CCDC88C: variants seen among roughly 807,000 people sequenced by gnomAD.
CCDC88C encodes the protein coiled-coil and HOOK domain protein 88C.
A neutral mutation model predicts 198.8 loss-of-function variants in CCDC88C; 131 were observed. That is an observed-to-expected ratio of 0.66 (90% CI 0.57 to 0.76). The LOEUF (loss-of-function observed/expected upper bound fraction) is 0.76. Among genes scored for constraint, CCDC88C ranks in the 30% least tolerant of loss-of-function variants. The pLI, the probability that CCDC88C is intolerant of heterozygous loss-of-function variation, is 0.00. For missense variants in CCDC88C, 2,553 were observed against 2,631.6 expected (o/e 0.97, Z 0.65); for synonymous variants, 1,166 against 1,114.7 (o/e 1.05, Z -0.92).
intron 10 of CCDC88C, among the ~76,000 whole-genome samples, chr14:91,327,883 G>T (rs1194416738): frequency 6.6e-6 from 1 of 152,194 alleles, no homozygotes; most frequent in East Asian, 1.9e-4. Context: ...CTCCTATTCA[G>T]CCTTCAAGAC....
intron 13 of CCDC88C, among the ~76,000 whole-genome samples, chr14:91,318,763 C>A (rs190523130): frequency 1.4e-3 from 212 of 150,354 alleles, no homozygotes; most frequent in African/African-American, 5.0e-3. Flanking sequence ...ACTAAAAACA[C>A]AAAAATTAGC....
intron 3 of CCDC88C, among the ~76,000 whole-genome samples, chr14:91,405,265 G>A (rs565520794): frequency 2.0e-5 from 3 of 152,292 alleles, no homozygotes; most frequent in East Asian, 1.9e-4. Flanking sequence ...AGAGAAGAAG[G>A]GGACAGTTAG....
At chr14:91,370,756 C>T (rs1894757571) in intron 3 of CCDC88C, among the ~76,000 whole-genome samples, 5 of 152,294 alleles carry the variant, frequency 3.3e-5, no homozygotes, top group South Asian at 4.1e-4. Context: ...TAGGTGGACA[C>T]ATCCGTGCAT....
intron 4 of CCDC88C, among the ~76,000 whole-genome samples, chr14:91,354,280 G>A (rs1224231739): frequency 1.3e-5 from 2 of 152,200 alleles, no homozygotes; most frequent in Non-Finnish European, 2.9e-5. Flanking sequence ...CTGGCTTCCC[G>A]TCAGACAAAT....
At chr14:91,384,473 G>T (rs1231312216) in intron 3 of CCDC88C, 2 of 525,270 alleles carry the variant, frequency 3.8e-6, no homozygotes, top group Non-Finnish European at 7.7e-6. Flanking sequence ...TCATAGTCTG[G>T]ATCATTTTCC....
rs1285821 is a variant in CCDC88C, at chr14:91,376,749, G to A, written c.271-17038C>T. Among the ~76,000 whole-genome samples the A allele has an allele frequency of 3.3e-5, 5 of 152,274 alleles. No individual in the cohort carries two copies. The East Asian group carries it at 7.7e-4, about 24-fold the overall frequency. On this transcript the variant is annotated intron_variant, in intron 3 of 29. Transcript: ENST00000389857. The stretch of plus-strand genomic sequence containing the variant: ...TCCCATGGGGGCCACGCACCCCCAG[G>A]TAAGCCCAGTGTCGGTTCAGCCCCC...
chr14:91,382,363 C>T (rs1346157306), intron 3 of CCDC88C, among the ~76,000 whole-genome samples: 1 of 152,126 alleles, frequency 6.6e-6, no homozygotes, highest in Non-Finnish European at 1.5e-5. Flanking sequence ...TTCAACATGG[C>T]GGGCCCCATG....
intron 12 of CCDC88C, among the ~76,000 whole-genome samples, chr14:91,324,421 G>A (rs987882295): frequency 1.3e-5 from 2 of 152,234 alleles, no homozygotes; most frequent in Non-Finnish European, 2.9e-5. Context: ...AGGGATTCGT[G>A]GCCACTGGTG....
intron 3 of CCDC88C, among the ~76,000 whole-genome samples, chr14:91,385,509 G>A (rs1023537770): frequency 1.1e-4 from 16 of 152,190 alleles, no homozygotes; most frequent in African/African-American, 3.9e-4. Flanking sequence ...TGGGAGGTGA[G>A]GGTTTCCGTG....
chr14:91,326,117 A>C, intron 10 of CCDC88C, 61 bp from the exon 11 acceptor site: 16 of 1,501,228 alleles, frequency 1.1e-5, no homozygotes, highest in Non-Finnish European at 1.5e-5. Flanking sequence ...ATTAGGATGG[A>C]ATTCTAAAAC....
intron 26 of CCDC88C, among the ~76,000 whole-genome samples, chr14:91,282,807 A>G (rs529196430): frequency 6.6e-6 from 1 of 152,264 alleles, no homozygotes; most frequent in East Asian, 1.9e-4. Context: ...AACACCTGTA[A>G]TTCCAGCACT....
At chr14:91,312,260 G>A (rs972826917) in intron 15 of CCDC88C, among the ~76,000 whole-genome samples, 21 of 152,168 alleles carry the variant, frequency 1.4e-4, no homozygotes, top group South Asian at 6.2e-4. Context: ...GTGATGGTGC[G>A]TGTCTGTAAT....
intron 2 of CCDC88C, among the ~76,000 whole-genome samples, 154 bp from the exon 3 acceptor site, chr14:91,408,921 A>C (rs1229890418): frequency 6.6e-6 from 1 of 152,108 alleles, no homozygotes; most frequent in Non-Finnish European, 1.5e-5. Flanking sequence ...CAATCCTGCC[A>C]CTGCTAAGCC....
chr14:91,274,035 C>T (rs550432158), intron 29 of CCDC88C, among the ~76,000 whole-genome samples: 3 of 152,170 alleles, frequency 2.0e-5, no homozygotes, highest in South Asian at 4.2e-4. Context: ...AGAATGCTGG[C>T]GGATATGAGC....
chr14:91,416,951 C>G (rs1887093545), intron 1 of CCDC88C, 113 bp from the exon 2 acceptor site: 7 of 725,066 alleles, frequency 9.7e-6, no homozygotes, highest in Non-Finnish European at 1.7e-5. Context: ...AAGGGGGTCA[C>G]CCACGCCCAC....
chr14:91,403,911 G>A (rs1390787749), intron 3 of CCDC88C, among the ~76,000 whole-genome samples: 3 of 152,214 alleles, frequency 2.0e-5, no homozygotes, highest in Admixed American at 6.5e-5. Context: ...TAGCCTGGGC[G>A]ACAGAGAGAG....
intron 3 of CCDC88C, among the ~76,000 whole-genome samples, chr14:91,391,585 C>G (rs997488991): frequency 6.6e-6 from 1 of 152,130 alleles, no homozygotes; most frequent in African/African-American, 2.4e-5. Context: ...TTGAGACCAG[C>G]CTGGCCAACA....
chr14:91,376,639 C>T (rs144292701), intron 3 of CCDC88C, among the ~76,000 whole-genome samples: 267 of 152,324 alleles, frequency 1.8e-3, no homozygotes, highest in African/African-American at 5.7e-3. Flanking sequence ...TGAGAGCCAC[C>T]TGGCAGCAGA....
At chr14:91,340,761 G>A (rs1893281755) in intron 6 of CCDC88C, among the ~76,000 whole-genome samples, 3 of 152,176 alleles carry the variant, frequency 2.0e-5, no homozygotes, top group Admixed American at 2.0e-4. Flanking sequence ...CACACCCAAA[G>A]AAGTCTTTAT....
Sources: allele counts gnomAD v4.1 joint callset (sites outside exome capture counted in the v4.1 genomes callset), GRCh38; gene constraint gnomAD v4.1.1; transcripts MANE v1.5; gene names NCBI Gene and HGNC (gene_info 2026-07-23, HGNC 2026-07-21).